Variants in SORCS2 observed in about 807,000 individuals in gnomAD.
SORCS2 encodes the protein VPS10 domain-containing receptor SorCS2.
Under a neutral mutation model 141.6 loss-of-function variants are expected in SORCS2, and 100 were observed. That is an observed-to-expected ratio of 0.71 (90% CI 0.60 to 0.83). The LOEUF (loss-of-function observed/expected upper bound fraction) is 0.83. SORCS2 is among the 40% of genes least tolerant of loss of function. The pLI is 0.00. For synonymous variants in SORCS2, 789 were observed against 676.9 expected, an observed-to-expected ratio of 1.17 and a Z score of -2.57; for missense variants, 1,646 against 1,560.2, an observed-to-expected ratio of 1.05 and a Z score of -0.93.
intron 1 of SORCS2, among the ~76,000 whole-genome samples, chr4:7,268,315 C>G (rs766542293): frequency 8.6e-4 from 131 of 152,248 alleles, no homozygotes; most frequent in African/African-American, 2.9e-3. Context: ...AACCCTTTAC[C>G]TTAGTGGGGA....
At chr4:7,271,288 T>C (rs1462850870) in intron 1 of SORCS2, among the ~76,000 whole-genome samples, 1 of 152,126 alleles carries the variant, frequency 6.6e-6, no homozygotes, top group Admixed American at 6.5e-5. Flanking sequence ...AGTCTAATGA[T>C]CCCAGTGGCC....
chr4:7,434,148 C>CG, intron 2 of SORCS2: 4 of 1,613,748 alleles, frequency 2.5e-6, no homozygotes, highest in Non-Finnish European at 1.7e-6. Context: ...AGAGCTCCTG[C>CG]GGGGGGAGAA....
intron 1 of SORCS2, among the ~76,000 whole-genome samples, chr4:7,237,098 G>C (rs1712338465): frequency 6.6e-6 from 1 of 152,232 alleles, no homozygotes; most frequent in South Asian, 2.1e-4. Flanking sequence ...TGGTGCAGGA[G>C]GAGTTTGGGG....
chr4:7,730,410 T>G (rs1387066167), intron 23 of SORCS2, among the ~76,000 whole-genome samples: 1 of 152,246 alleles, frequency 6.6e-6, no homozygotes, highest in African/African-American at 2.4e-5. Flanking sequence ...AGTCCACTTA[T>G]GGGTATATAC....
At chr4:7,237,537 C>T (rs906614106) in intron 1 of SORCS2, among the ~76,000 whole-genome samples, 1 of 152,166 alleles carries the variant, frequency 6.6e-6, no homozygotes, top group African/African-American at 2.4e-5. Flanking sequence ...TTTTATTTAT[C>T]TATCTATTTA....
chr4:7,481,774 A>G (rs76927959), intron 2 of SORCS2, among the ~76,000 whole-genome samples: 13,639 of 152,142 alleles, frequency 0.09, 651 homozygotes, highest in African/African-American at 0.12. Flanking sequence ...AACCCAGGGA[A>G]ATGCTGGATG....
At chr4:7,632,576 G>C in intron 3 of SORCS2, among the ~76,000 whole-genome samples, 1 of 152,126 alleles carries the variant, frequency 6.6e-6, no homozygotes, top group Non-Finnish European at 1.5e-5. Flanking sequence ...TCATTTCCTC[G>C]GGCTTTTTCT....
At position 7,283,754 on chromosome 4, in the gene SORCS2, G is replaced by T. The variant is rs1313316730; in HGVS notation, c.480+90628G>T. ...CATAGGTGGGGCCCAAGCAGGAGTTGGGAGGAGTTGGGTCTGGCTACAGCA... is the reference window on the plus strand; with the variant it reads ...CATAGGTGGGGCCCAAGCAGGAGTTTGGAGGAGTTGGGTCTGGCTACAGCA... On this transcript the variant is annotated intron_variant, in intron 1 of 26. Coordinates refer to ENST00000507866, the MANE Select transcript of SORCS2 (RefSeq NM_020777.3). Among the ~76,000 whole-genome samples, 5 of 152,052 alleles carry T rather than the reference G, an allele frequency of 3.3e-5. No homozygotes were observed. The South Asian group carries it at 8.3e-4, about 25-fold the overall frequency.
intron 1 of SORCS2, among the ~76,000 whole-genome samples, chr4:7,307,151 G>A (rs1469284431): frequency 1.3e-5 from 2 of 152,144 alleles, no homozygotes; most frequent in East Asian, 1.9e-4. Flanking sequence ...CCCTGAAGGC[G>A]ACGCCAGCCT....
intron 4 of SORCS2, among the ~76,000 whole-genome samples, chr4:7,647,379 C>A (rs1465515140): frequency 6.6e-6 from 1 of 152,130 alleles, no homozygotes; most frequent in Non-Finnish European, 1.5e-5. Context: ...CTCATGGTAC[C>A]AGGAGCGCAA....
intron 1 of SORCS2, among the ~76,000 whole-genome samples, chr4:7,280,142 A>G (rs1240435907): frequency 6.6e-6 from 1 of 152,150 alleles, no homozygotes; most frequent in African/African-American, 2.4e-5. Flanking sequence ...CCTAAGGACA[A>G]AAGAGTCAAG....
intron 1 of SORCS2, among the ~76,000 whole-genome samples, chr4:7,371,925 T>C (rs886848119): frequency 6.6e-6 from 1 of 152,084 alleles, no homozygotes; most frequent in African/African-American, 2.4e-5. Flanking sequence ...AGAAGGGCTG[T>C]GTTGGCTCTG....
In SORCS2 at chr4:7,315,737, G is replaced by T. The variant is rs193177355; in HGVS notation, c.481-80551G>T. Among the ~76,000 whole-genome samples the T allele has an allele frequency of 2.5e-3, 374 of 152,256 alleles. 6 individuals are homozygous for T. Among genetic ancestry groups the T allele is most frequent in the Middle Eastern group, 0.014 (4 of 294 alleles). ...TGTGAGGACTCTCTCACCTCTGAAG[G>T]TCCTTGGCTGCTTCTGCCATCTGCT... On this transcript the variant is annotated intron_variant, in intron 1 of 26. Transcript: ENST00000507866.
Position 7,493,874 on chromosome 4 carries a change from C to T in SORCS2, c.549-37656C>T, listed in dbSNP as rs145262791. On this transcript the variant is annotated intron_variant, in intron 2 of 26. Transcript: ENST00000507866. ...CATGCATTGTGTGGATATTAAATGA[C>T]GTGATACACCCTCGAAATAAACCAG... Among the ~76,000 whole-genome samples the T allele has an allele frequency of 2.2e-3, 332 of 152,310 alleles. 3 individuals are homozygous for T. Among genetic ancestry groups the T allele is most frequent in the African/African-American group, 7.4e-3 (308 of 41,562 alleles).
chr4:7,240,847 C>T (rs1577312506), intron 1 of SORCS2, among the ~76,000 whole-genome samples: 1 of 152,186 alleles, frequency 6.6e-6, no homozygotes, highest in African/African-American at 2.4e-5. Context: ...GGTTTACACC[C>T]CGGTCGACCT....
chr4:7,612,982 G>A (rs1004376694), intron 3 of SORCS2, among the ~76,000 whole-genome samples: 20 of 150,598 alleles, frequency 1.3e-4, no homozygotes, highest in African/African-American at 4.4e-4. Context: ...ACTGGCTCTC[G>A]GGCCAGTGCT....
intron 16 of SORCS2, 44 bp from the exon 17 acceptor site, chr4:7,715,139 C>T (rs1412623468): frequency 6.2e-7 from 1 of 1,605,880 alleles, no homozygotes; most frequent in South Asian, 1.1e-5. Context: ...GACTCCGGTT[C>T]CCACCTGTGC....
intron 1 of SORCS2, among the ~76,000 whole-genome samples, chr4:7,326,785 G>T (rs950965596): frequency 1.3e-5 from 2 of 151,834 alleles, no homozygotes; most frequent in Non-Finnish European, 2.9e-5. Flanking sequence ...GGCCAGCCAA[G>T]CTTCCGCAGG....
intron 3 of SORCS2, among the ~76,000 whole-genome samples, chr4:7,535,835 C>T (rs1427069500): frequency 6.6e-6 from 1 of 152,234 alleles, no homozygotes; most frequent in East Asian, 1.9e-4. Context: ...TTGCCCTGGC[C>T]CTGCTGATCT....
Sources: gnomAD v4.1 joint callset for allele counts (sites outside exome capture counted in the v4.1 genomes callset) on GRCh38, gnomAD v4.1.1 for gene constraint, MANE v1.5 for transcripts, NCBI Gene and HGNC (gene_info 2026-07-23, HGNC 2026-07-21) for gene names.